Variants in ROBO2 observed in about 807,000 individuals in gnomAD.
ROBO2 encodes the protein roundabout homolog 2.
Under a neutral mutation model 160.8 loss-of-function variants are expected in ROBO2, and 53 were observed. The observed-to-expected ratio is 0.33, with a 90% CI of 0.26 to 0.41. The LOEUF (loss-of-function observed/expected upper bound fraction) is 0.41. ROBO2 is among the 10% of genes least tolerant of loss of function. ROBO2 has a pLI of 1.00. For missense variants in ROBO2, 1,577 were observed against 1,722.4 expected (o/e 0.92, Z 1.49); for synonymous variants, 664 against 611.7 (o/e 1.09, Z -1.26).
At chr3:76,048,541 A>C (rs2067528406) in intron 2 of ROBO2, among the ~76,000 whole-genome samples, 1 of 152,170 alleles carries the variant, frequency 6.6e-6, no homozygotes, top group Admixed American at 6.5e-5. Flanking sequence ...TGATCATATG[A>C]ATGATAATTT....
chr3:76,624,173 A>G (rs138458219), intron 2 of ROBO2, among the ~76,000 whole-genome samples: 2 of 152,332 alleles, frequency 1.3e-5, no homozygotes, highest in East Asian at 1.9e-4. Context: ...ACTCTTTTAT[A>G]AGTTTTTATT....
chr3:77,011,172 ATCCT>A (rs370284779), intron 2 of ROBO2, among the ~76,000 whole-genome samples: 50 of 114,242 alleles, frequency 4.4e-4, no homozygotes, highest in African/African-American at 1.5e-3. Context: ...CCTTCATTCC[ATCCT>A]TCCTTTCTTC....
intron 2 of ROBO2, among the ~76,000 whole-genome samples, chr3:76,929,846 C>T (rs1339725597): frequency 6.6e-6 from 1 of 152,128 alleles, no homozygotes; most frequent in Non-Finnish European, 1.5e-5. Context: ...AAAAGAGACT[C>T]CAGTGTCTGT....
intron 1 of ROBO2, among the ~76,000 whole-genome samples, chr3:77,060,908 T>A (rs1353449819): frequency 6.6e-6 from 1 of 152,008 alleles, no homozygotes; most frequent in East Asian, 1.9e-4. Flanking sequence ...TACAAACCCA[T>A]CTGACCAGCA....
At chr3:75,979,660 T>G (rs1010922390) in intron 2 of ROBO2, among the ~76,000 whole-genome samples, 1 of 151,564 alleles carries the variant, frequency 6.6e-6, no homozygotes, top group African/African-American at 2.4e-5. Flanking sequence ...GTGCTTTATG[T>G]GTTTCTTGTG....
At chr3:77,091,013 A>C (rs1436694490) in intron 1 of ROBO2, among the ~76,000 whole-genome samples, 2 of 152,184 alleles carry the variant, frequency 1.3e-5, no homozygotes, top group Non-Finnish European at 2.9e-5. Context: ...GAGGAAGTAT[A>C]TTTCACACTC....
At chr3:77,015,140 A>G (rs1377158868) in intron 2 of ROBO2, among the ~76,000 whole-genome samples, 3 of 152,212 alleles carry the variant, frequency 2.0e-5, no homozygotes, top group Non-Finnish European at 4.4e-5. Context: ...GCGACTCATC[A>G]TAAGAGCCCT....
At position 77,180,416 on chromosome 3, in the gene ROBO2, C is replaced by CTCTCTCTCTATATATATATATA. The variant is rs1433740534; in HGVS notation, c.388+82077_388+82078insCTCTCTCTATATATATATATAT. ...TCTCTCTCTCTCTCTCTCTCTCTCTCTATATATATATATATGTATTTTTTT... is the reference window on the plus strand; with the variant it reads ...TCTCTCTCTCTCTCTCTCTCTCTCTCTCTCTCTCTATATATATATATATATATATATATATATGTATTTTTTT... On this transcript the variant is annotated intron_variant, in intron 2 of 25. Transcript: ENST00000461745. Among the ~76,000 whole-genome samples the CTCTCTCTCTATATATATATATA allele has an allele frequency of 5.6e-3, 506 of 90,552 alleles. 5 individuals are homozygous for CTCTCTCTCTATATATATATATA. The highest frequency in any genetic ancestry group is 0.01 in the Middle Eastern group (1 of 98). The allele number at this position is 90,552 out of a possible 152,430, so 59.4% of individuals were successfully genotyped here. A position where few individuals can be genotyped will look rare whatever the true frequency, so the allele number is the denominator to read the frequency against.
At chr3:76,751,098 A>T (rs1039315772) in intron 2 of ROBO2, among the ~76,000 whole-genome samples, 1 of 152,104 alleles carries the variant, frequency 6.6e-6, no homozygotes, top group Non-Finnish European at 1.5e-5. Flanking sequence ...CAAAACAGAG[A>T]TATAGACCAA....
At chr3:76,773,036 G>A (rs1184986791) in intron 2 of ROBO2, among the ~76,000 whole-genome samples, 3 of 151,002 alleles carry the variant, frequency 2.0e-5, no homozygotes, top group Admixed American at 6.6e-5. Flanking sequence ...AGTTAAAGGC[G>A]AAATGAGATT....
intron 2 of ROBO2, among the ~76,000 whole-genome samples, chr3:76,904,182 A>G (rs555027386): frequency 6.6e-6 from 1 of 152,278 alleles, no homozygotes; most frequent in Admixed American, 6.5e-5. Flanking sequence ...ATTTATTTGT[A>G]AATAATTTGC....
At chr3:76,586,809 G>C (rs1030768683) in intron 2 of ROBO2, among the ~76,000 whole-genome samples, 1 of 152,166 alleles carries the variant, frequency 6.6e-6, no homozygotes, top group Non-Finnish European at 1.5e-5. Context: ...AATTAAAAAA[G>C]GAGTACTGAT....
exon 26 of ROBO2, chr3:77,647,517 T>G (rs989321156): frequency 3.3e-5 from 5 of 152,168 alleles, no homozygotes; most frequent in African/African-American, 1.2e-4. Context: ...CATTAATAAT[T>G]GTCCTGCCTC....
intron 4 of ROBO2, among the ~76,000 whole-genome samples, chr3:77,485,773 TA>T (rs956591719): frequency 2.6e-5 from 4 of 152,148 alleles, no homozygotes; most frequent in Non-Finnish European, 5.9e-5. Context: ...AATTTTGTTT[TA>T]TTTTTTTACC....
intron 2 of ROBO2, among the ~76,000 whole-genome samples, chr3:76,905,368 A>G (rs2075530070): frequency 6.6e-6 from 1 of 152,204 alleles, no homozygotes; most frequent in African/African-American, 2.4e-5. Flanking sequence ...GTCGGAAACT[A>G]TCAAGGGAGA....
At chr3:77,242,467 C>A (rs2089182178) in intron 2 of ROBO2, among the ~76,000 whole-genome samples, 1 of 152,132 alleles carries the variant, frequency 6.6e-6, no homozygotes. Context: ...CAAACATTCT[C>A]TAGATGTTGT....
intron 1 of ROBO2, among the ~76,000 whole-genome samples, chr3:77,064,147 A>G (rs1417922535): frequency 1.3e-5 from 2 of 152,156 alleles, no homozygotes; most frequent in Non-Finnish European, 2.9e-5. Context: ...TTTTTGTTAT[A>G]AACGTTTGAT....
intron 2 of ROBO2, among the ~76,000 whole-genome samples, chr3:76,522,858 G>C (rs1364871527): frequency 1.3e-5 from 2 of 151,778 alleles, no homozygotes; most frequent in Non-Finnish European, 2.9e-5. Flanking sequence ...ATGGTGGCTA[G>C]AGGTCATATC....
chr3:76,636,791 A>G (rs1301081003), intron 2 of ROBO2, among the ~76,000 whole-genome samples: 1 of 152,092 alleles, frequency 6.6e-6, no homozygotes, highest in Admixed American at 6.6e-5. Flanking sequence ...TTGTTTATAG[A>G]TCATAGGAAC....
Sources: allele counts gnomAD v4.1 joint callset (sites outside exome capture counted in the v4.1 genomes callset), GRCh38; gene constraint gnomAD v4.1.1; transcripts MANE v1.5; gene names NCBI Gene and HGNC (gene_info 2026-07-23, HGNC 2026-07-21).